The following ZNRF1 variants were observed in gnomAD, a reference collection of about 807,000 sequenced individuals.
ZNRF1 encodes the protein zinc and ring finger 1, also known as E3 ubiquitin-protein ligase ZNRF1.
ZNRF1 carries 3 observed loss-of-function variants against 18.4 expected under a neutral mutation model. The observed-to-expected ratio is 0.16, with a 90% CI of 0.07 to 0.42. The LOEUF (loss-of-function observed/expected upper bound fraction) is 0.42. Among genes scored for constraint, ZNRF1 ranks in the 10% least tolerant of loss-of-function variants. ZNRF1 has a pLI of 0.99. For synonymous variants in ZNRF1, 157 were observed against 144.2 expected (o/e 1.09, Z -0.64); for missense variants, 310 against 329.8 (o/e 0.94, Z 0.47).
chr16:75,029,654 A>AGCTGAG (rs1464641378), intron 1 of ZNRF1, among the ~76,000 whole-genome samples: 5 of 150,880 alleles, frequency 3.3e-5, no homozygotes, highest in Non-Finnish European at 5.9e-5. Flanking sequence ...CTGTAGCCCC[A>AGCTGAG]GCTGAGGCTG....
chr16:75,020,863 G>C (rs2035137925), intron 1 of ZNRF1, among the ~76,000 whole-genome samples: 1 of 151,930 alleles, frequency 6.6e-6, no homozygotes, highest in African/African-American at 2.4e-5. Context: ...TTCTTAGAAA[G>C]GGTTTCATTA....
intron 1 of ZNRF1, among the ~76,000 whole-genome samples, chr16:75,007,801 A>T (rs554461108): frequency 1.3e-5 from 2 of 152,194 alleles, no homozygotes; most frequent in Non-Finnish European, 2.9e-5. Flanking sequence ...TTCTCTCCCC[A>T]AACAGAGAAA....
intron 2 of ZNRF1, among the ~76,000 whole-genome samples, chr16:75,096,929 G>A (rs1308838642): frequency 6.6e-6 from 1 of 152,138 alleles, no homozygotes; most frequent in African/African-American, 2.4e-5. Flanking sequence ...CAGGCACCTG[G>A]CTGGGGAAGT....
In ZNRF1 at chr16:75,000,008, G is replaced by A; in HGVS notation, c.337G>A (p.Asp113Asn). The change falls in exon 1 of 5, where the codon GAC becomes AAC. Residue 113 changes from aspartate (D) to asparagine (N), a missense_variant. Physicochemically the swap from Asp to Asn is conservative, Grantham distance 23. Around this residue, in one of 2 missense-constraint regions of ZNRF1, gnomAD observed 293 missense variants for 291.2 expected, o/e 1.01. Coordinates refer to ENST00000335325, the MANE Select transcript of ZNRF1 (RefSeq NM_032268.5). ...YQETGGGHHR[D>N]GMLYLGSRAS... ...GGAGACGGGCGGCGGTCACCATAGA[G>A]ACGGGATGCTGTACCTGGGCTCCCG... is the stretch of plus-strand genomic sequence containing the variant. 6.3e-7 allele frequency: 1 copy of A among 1,591,622 alleles called. No homozygotes were observed. The highest frequency in any genetic ancestry group is 1.1e-5 in the South Asian group (1 of 87,254).
intron 2 of ZNRF1, among the ~76,000 whole-genome samples, 197 bp downstream of exon 2, chr16:75,093,864 A>G (rs2036169105): frequency 6.6e-6 from 1 of 152,176 alleles, no homozygotes; most frequent in Non-Finnish European, 1.5e-5. Flanking sequence ...GAGGAGTGGG[A>G]CAAGGAAGGA....
rs763742619 is a variant in ZNRF1 at position 75,093,597 on chromosome 16, G to A, written c.450G>A (p.Lys150=). 1.2e-5 allele frequency: 19 copies of A among 1,614,044 alleles called. No individual in the cohort carries two copies. The South Asian group carries it at 1.4e-4, about 12-fold the overall frequency. ...HSGFKCPICS[K]SVASDEMEMH... is the part of the protein sequence containing the mutation. ...GTTTCAAGTGCCCCATTTGCTCCAAGTCTGTGGCTTCTGACGAGATGGAAA... is the reference window on the plus strand; with the variant it reads ...GTTTCAAGTGCCCCATTTGCTCCAAATCTGTGGCTTCTGACGAGATGGAAA... Residue 150 remains lysine, a synonymous_variant, in exon 2 of 5, where the codon AAG becomes AAA. Coordinates refer to ENST00000335325, the MANE Select transcript of ZNRF1 (RefSeq NM_032268.5).
intron 1 of ZNRF1, among the ~76,000 whole-genome samples, chr16:75,073,474 C>T (rs111831520): frequency 3.3e-5 from 5 of 152,140 alleles, no homozygotes; most frequent in South Asian, 2.1e-4. Flanking sequence ...TTCCCCACCC[C>T]GCCGTAGCCA....
chr16:75,026,185 A>T (rs898357789), intron 1 of ZNRF1, among the ~76,000 whole-genome samples: 2 of 152,200 alleles, frequency 1.3e-5, no homozygotes, highest in African/African-American at 4.8e-5. Context: ...TTTGAGTTGT[A>T]AAAGAACTCT....
rs974913278 is a variant in ZNRF1, at chr16:75,041,385, A to G, written c.424+41290A>G. On this transcript the variant is annotated intron_variant, in intron 1 of 4. Coordinates refer to ENST00000335325, the MANE Select transcript of ZNRF1 (RefSeq NM_032268.5). ...CACCCTGTCGCCCAGGCTAGAGTGC[A>G]ACGGCATGATCTCAGCTCACTGCAG... Among the ~76,000 whole-genome samples the G allele has an allele frequency of 2.0e-5, 3 of 152,170 alleles. No homozygotes were observed. The South Asian group carries it at 6.2e-4, about 32-fold the overall frequency.
chr16:75,084,171 C>G (rs1408577495), intron 1 of ZNRF1, among the ~76,000 whole-genome samples: 1 of 152,208 alleles, frequency 6.6e-6, no homozygotes, highest in Non-Finnish European at 1.5e-5. Context: ...CTTCCGTTCA[C>G]ATTTCATTGG....
At chr16:75,021,842 A>T (rs2035153642) in intron 1 of ZNRF1, among the ~76,000 whole-genome samples, 1 of 152,182 alleles carries the variant, frequency 6.6e-6, no homozygotes, top group African/African-American at 2.4e-5. Flanking sequence ...TGAATATCAA[A>T]TATCATGTGT....
In ZNRF1 at chr16:75,000,220, C is replaced by T. The variant is rs146555311; in HGVS notation, c.424+125C>T. ...GATCTGTCTGCATTCCCTTTGGTTCCCGATGCCAAGGGATAAATGGGATAC... is the reference window on the plus strand; with the variant it reads ...GATCTGTCTGCATTCCCTTTGGTTCTCGATGCCAAGGGATAAATGGGATAC... On this transcript the variant is annotated intron_variant, in intron 1 of 4. Coordinates refer to ENST00000335325, the MANE Select transcript of ZNRF1 (RefSeq NM_032268.5). 2,023 of 1,365,818 alleles carry T rather than the reference C, an allele frequency of 1.5e-3. 9 individuals are homozygous for T. The highest frequency in any genetic ancestry group is 3.2e-3 in the Admixed American group (162 of 50,674). The allele number at this position is 1,365,818 out of a possible 1,614,324, so 84.6% of individuals were successfully genotyped here. A position where few individuals can be genotyped will look rare whatever the true frequency, so the allele number is the denominator to read the frequency against.
In ZNRF1 at chr16:75,106,465, C is replaced by T. The variant is rs375830489; in HGVS notation, c.627-17C>T. 12 of 1,613,876 alleles carry T rather than the reference C, an allele frequency of 7.4e-6. No homozygotes were observed. Among genetic ancestry groups the T allele is most frequent in the East Asian group, 2.2e-5 (1 of 44,884 alleles). Reference sequence around the variant, plus strand: ...GCAGCAGGTAACGTGGTTTCCCTTGCGGCCCCCTCCTCCCAGCTGCATAGA... The same window carrying T: ...GCAGCAGGTAACGTGGTTTCCCTTGTGGCCCCCTCCTCCCAGCTGCATAGA... On this transcript the variant is annotated splice_polypyrimidine_tract_variant and intron_variant, in intron 3 of 4. Transcript: ENST00000335325.
intron 1 of ZNRF1, among the ~76,000 whole-genome samples, chr16:75,007,580 C>CA (rs1181862580): frequency 6.6e-6 from 1 of 152,110 alleles, no homozygotes; most frequent in African/African-American, 2.4e-5. Context: ...CAGATAAAAA[C>CA]AAGAGCTCTC....
At chr16:75,075,165 T>C (rs1473424346) in intron 1 of ZNRF1, among the ~76,000 whole-genome samples, 1 of 152,180 alleles carries the variant, frequency 6.6e-6, no homozygotes, top group Non-Finnish European at 1.5e-5. Flanking sequence ...AATGAGAACC[T>C]GGAGGCTGTC....
At chr16:75,106,455 GT>G in intron 3 of ZNRF1, 26 bp from the exon 4 acceptor site, 1 of 1,614,020 alleles carries the variant, frequency 6.2e-7, no homozygotes, top group Non-Finnish European at 8.5e-7. Flanking sequence ...AGGTAACGTG[GT>G]TTCCCTTGCG....
intron 1 of ZNRF1, among the ~76,000 whole-genome samples, chr16:75,050,462 G>A (rs1298915505): frequency 1.3e-5 from 2 of 152,130 alleles, no homozygotes; most frequent in African/African-American, 4.8e-5. Context: ...GGAGGCAGAG[G>A]TTGCAGTAAG....
chr16:75,071,941 C>T (rs1211890568), intron 1 of ZNRF1, among the ~76,000 whole-genome samples: 1 of 151,946 alleles, frequency 6.6e-6, no homozygotes, highest in Admixed American at 6.6e-5. Context: ...CTAGCTTTTG[C>T]TTATCTTTTA....
At chr16:75,044,972 A>C (rs2035496646) in intron 1 of ZNRF1, among the ~76,000 whole-genome samples, 1 of 152,128 alleles carries the variant, frequency 6.6e-6, no homozygotes, top group Non-Finnish European at 1.5e-5. Context: ...CAGAAGAAGG[A>C]GGTGGTAGAG....
Sources: gnomAD v4.1 joint callset for allele counts (sites outside exome capture counted in the v4.1 genomes callset) on GRCh38, gnomAD v4.1.1 for gene constraint, gnomAD v4.1.1 regional missense constraint, MANE v1.5 for transcripts, NCBI Gene and HGNC (gene_info 2026-07-23, HGNC 2026-07-21) for gene names.